ZNF726: variants seen among roughly 807,000 people sequenced by gnomAD.
ZNF726 encodes zinc finger protein 92 pseudogene 3.
In ZNF726, 15 loss-of-function variants were observed where a neutral mutation model predicts 11.6. The ratio of observed to expected loss-of-function variants is 1.29; its 90% CI spans 0.86 to 1.99. ZNF726 has a LOEUF of 1.99. Ranked by LOEUF, ZNF726 falls within the 30% of genes most tolerant of loss-of-function variation. The pLI is 0.00. For synonymous variants in ZNF726, 295 were observed against 243.6 expected (o/e 1.21, Z -1.96); for missense variants, 890 against 725.6 (o/e 1.23, Z -2.60).
chr19:23,919,654 A>G (rs1967793542), intron 2 of ZNF726, 155 bp downstream of exon 2: 1 of 978,104 alleles, frequency 1.0e-6, no homozygotes. Flanking sequence ...AAGATGTTTC[A>G]TCCTGACCTG....
chr19:23,932,317 A>C (rs1352305052), intron 3 of ZNF726, 26 bp from the exon 4 acceptor site: 2 of 1,302,314 alleles, frequency 1.5e-6, no homozygotes, highest in South Asian at 5.6e-5. Context: ...TAGTAAGTGG[A>C]GTAAATTATT....
intron 3 of ZNF726, among the ~76,000 whole-genome samples, chr19:23,927,100 C>G (rs928642124): frequency 1.3e-5 from 2 of 152,036 alleles, no homozygotes; most frequent in Non-Finnish European, 2.9e-5. Context: ...GTCTCAACTT[C>G]CAGAGTAGCT....
chr19:23,915,128 C>G, intron 1 of ZNF726, 131 bp downstream of exon 1: 1 of 1,377,322 alleles, frequency 7.3e-7, no homozygotes. Flanking sequence ...TTGCCCAGCT[C>G]GGCCTCAGTC....
At chr19:23,920,943 A>C (rs1321609058) in intron 3 of ZNF726, 1 of 152,138 alleles carries the variant, frequency 6.6e-6, no homozygotes, top group Non-Finnish European at 1.5e-5. Context: ...TGTCCACTCT[A>C]CTGCTGTGTC....
chr19:23,916,583 G>A (rs190210492), intron 1 of ZNF726, among the ~76,000 whole-genome samples: 215 of 152,164 alleles, frequency 1.4e-3, no homozygotes, highest in Middle Eastern at 3.4e-3. Context: ...CTCCTGCCTC[G>A]GCCTCCCAAA....
At chr19:23,925,883 A>T (rs1967975112) in intron 3 of ZNF726, among the ~76,000 whole-genome samples, 1 of 151,172 alleles carries the variant, frequency 6.6e-6, no homozygotes, top group South Asian at 2.1e-4. Flanking sequence ...TGCCTGGCTC[A>T]TTTTTGTATT....
At chr19:23,934,790 A>C (rs1252217704), downstream of ZNF726, among the ~76,000 whole-genome samples, 1 of 152,212 alleles carries the variant, frequency 6.6e-6, no homozygotes, top group Non-Finnish European at 1.5e-5. Flanking sequence ...TCACAGAGTT[A>C]CTACCAGAAT....
chr19:23,921,944 G>A (rs952393989), intron 3 of ZNF726, among the ~76,000 whole-genome samples: 3 of 152,098 alleles, frequency 2.0e-5, no homozygotes, highest in African/African-American at 7.2e-5. Context: ...GTATTGCGTT[G>A]GTGTCTGTAA....
chr19:23,927,328 G>GT (rs1192092897), intron 3 of ZNF726, among the ~76,000 whole-genome samples: 9 of 151,934 alleles, frequency 5.9e-5, no homozygotes, highest in East Asian at 1.9e-4. Context: ...AAAAATTAAT[G>GT]TTTTTTTATT....
chr19:23,914,900 C>A lies in ZNF726; in HGVS notation c.-95C>A, dbSNP rs930759713. The A allele has an allele frequency of 2.5e-6, 4 of 1,568,966 alleles. No individual in the cohort carries two copies. The African/African-American group carries it at 5.4e-5, about 21-fold the overall frequency. Reference sequence around the variant, plus strand: ...GCGGGGCCTTTGTCTCTATCTGCGGCCGGAGCTCCAGGTCTCGTCCTCACT... The same window carrying A: ...GCGGGGCCTTTGTCTCTATCTGCGGACGGAGCTCCAGGTCTCGTCCTCACT... On this transcript the variant is annotated 5_prime_UTR_variant, in exon 1 of 4. Coordinates refer to ENST00000594466, the MANE Select transcript of ZNF726 (RefSeq NM_001244038.2).
At chr19:23,920,124 C>A in intron 3 of ZNF726, 42 bp downstream of exon 3, 1 of 1,387,042 alleles carries the variant, frequency 7.2e-7, no homozygotes, top group Non-Finnish European at 1.0e-6. Context: ...GATGAGAGGT[C>A]CAACGTCAAG....
In ZNF726 at chr19:23,932,410, A is replaced by G. The variant is rs567029741; in HGVS notation, c.294A>G (p.Val98=). ...GCGTGGAAGATTCTTTTCAAAAAGTAATACTAAGAAGATTTGAAAAATGTG... is the reference window on the plus strand; with the variant it reads ...GCGTGGAAGATTCTTTTCAAAAAGTGATACTAAGAAGATTTGAAAAATGTG... ...EQGVEDSFQK[V]ILRRFEKCGH... The change falls in exon 4 of 4, where the codon GTA becomes GTG. Residue 98 remains valine (V), a synonymous_variant. Transcript: ENST00000594466. 2.8e-5 allele frequency: 43 copies of G among 1,543,472 alleles called. No homozygotes were observed. In the East Asian group the frequency reaches 8.9e-4, roughly 32 times the overall value.
Position 23,923,498 on chromosome 19 carries a change from G to A in ZNF726, c.226+3416G>A, listed in dbSNP as rs193140544. On this transcript the variant is annotated intron_variant, in intron 3 of 3. Coordinates refer to ENST00000594466, the MANE Select transcript of ZNF726 (RefSeq NM_001244038.2). ...GTGATCTTGGCTCACTGCAACCTCC[G>A]CCTCCCAGGTTCAAGCCATTCTCCT... 9.9e-4 allele frequency: 283 copies of A among 286,368 alleles called. 2 individuals carry two copies. The highest frequency in any genetic ancestry group is 6.7e-3 in the African/African-American group (273 of 40,982). 17.7% of individuals were successfully genotyped at this position (286,368 alleles called of 1,614,324 possible).
chr19:23,917,258 G>GT (rs1410068176), intron 1 of ZNF726, among the ~76,000 whole-genome samples: 6 of 152,162 alleles, frequency 3.9e-5, no homozygotes, highest in African/African-American at 1.2e-4. Context: ...GCTGACCTCA[G>GT]TTTTTTAACT....
rs756375519 is a variant in ZNF726 at position 23,933,486 on chromosome 19, A to G, written c.1370A>G (p.Glu457Gly). 4.3e-6 allele frequency: 7 copies of G among 1,612,750 alleles called. No homozygotes were observed. In the East Asian group the frequency reaches 1.3e-4, roughly 31 times the overall value. ...AGAGAGAAACCCTACAAATGTGAAG[A>G]ATGTAGTAAAGCATTTAGCCGATCC... ...HTREKPYKCE[E>G]CSKAFSRSSA... is the part of the protein sequence containing the mutation. Residue 457 changes from glutamate to glycine, a missense_variant, in exon 4 of 4, where the codon GAA becomes GGA. By Grantham distance (98) the Glu-to-Gly change is moderately conservative. Coordinates refer to ENST00000594466, the MANE Select transcript of ZNF726 (RefSeq NM_001244038.2).
In ZNF726 at chr19:23,914,917, G is replaced by A. The variant is rs765609718; in HGVS notation, c.-78G>A. On this transcript the variant is annotated 5_prime_UTR_variant, in exon 1 of 4. Coordinates refer to ENST00000594466, the MANE Select transcript of ZNF726 (RefSeq NM_001244038.2). ...ATCTGCGGCCGGAGCTCCAGGTCTC[G>A]TCCTCACTACTCTGTGTCTTCTGCT... 2,096 of 1,602,472 alleles carry A rather than the reference G, an allele frequency of 1.3e-3. 3 individuals are homozygous for A. Among genetic ancestry groups the A allele is most frequent in the Non-Finnish European group, 1.6e-3 (1,910 of 1,173,968 alleles).
At chr19:23,942,984 C>T (rs1968361839) in intron 3 of ZNF726, among the ~76,000 whole-genome samples, 1 of 152,112 alleles carries the variant, frequency 6.6e-6, no homozygotes, top group Non-Finnish European at 1.5e-5. Context: ...TTACATTCAT[C>T]ATGCTCTTTG....
chr19:23,933,599 A>G lies in ZNF726; in HGVS notation c.1483A>G (p.Thr495Ala). Residue 495 changes from threonine (T) to alanine (A), a missense_variant, in exon 4 of 4, where the codon ACC (threonine) becomes GCC (alanine). Thr to Ala is a moderately conservative substitution (Grantham distance 58, BLOSUM62 0). Coordinates refer to ENST00000594466, the MANE Select transcript of ZNF726 (RefSeq NM_001244038.2). ...TGGCAAAGCTTTTAGCCAGTCCTCA[A>G]CCCTTACTGCACATAAGATAATTCA... ...ECGKAFSQSSTLTAHKIIHTG... is the reference protein window; with the variant it reads ...ECGKAFSQSSALTAHKIIHTG... The G allele has an allele frequency of 6.2e-7, 1 of 1,611,260 alleles. No homozygotes were observed. The highest frequency in any genetic ancestry group is 1.3e-5 in the African/African-American group (1 of 74,744).
intron 3 of ZNF726, among the ~76,000 whole-genome samples, chr19:23,927,493 G>A (rs139156319): frequency 2.0e-4 from 30 of 151,912 alleles, no homozygotes; most frequent in African/African-American, 7.2e-4. Context: ...TGTTGTGTTT[G>A]TTGTGGTTTT....
Sources: allele counts gnomAD v4.1 joint callset (sites outside exome capture counted in the v4.1 genomes callset), GRCh38; gene constraint gnomAD v4.1.1; transcripts MANE v1.5; gene names NCBI Gene and HGNC (gene_info 2026-07-23, HGNC 2026-07-21).